Variants in ABCC1 observed in about 807,000 individuals in gnomAD.
The protein encoded by ABCC1 is ATP binding cassette subfamily C member 1 (ABCC1 blood group), also known as multidrug resistance-associated protein 1.
ABCC1 carries 83 observed loss-of-function variants against 172.9 expected under a neutral mutation model. The observed-to-expected ratio is 0.48, with a 90% CI of 0.40 to 0.58. ABCC1 has a LOEUF of 0.58. ABCC1 is among the 20% of genes least tolerant of loss of function. The pLI, the probability that ABCC1 is intolerant of heterozygous loss-of-function variation, is 0.00. For missense variants in ABCC1, 1,817 were observed against 2,002.7 expected (o/e 0.91, Z 1.77); for synonymous variants, 937 against 825.2 (o/e 1.14, Z -2.32).
intron 12 of ABCC1, among the ~76,000 whole-genome samples, chr16:16,058,029 A>G (rs373798472): frequency 6.6e-6 from 1 of 152,102 alleles, no homozygotes; most frequent in Non-Finnish European, 1.5e-5. Context: ...TTGCAAAAAC[A>G]GGTTGTTCCC....
intron 3 of ABCC1, among the ~76,000 whole-genome samples, chr16:16,011,569 A>G (rs1043356141): frequency 2.0e-5 from 3 of 150,614 alleles, no homozygotes; most frequent in Admixed American, 6.6e-5. Context: ...GCAGGCTTGA[A>G]CTCCTGGGCT....
intron 19 of ABCC1, chr16:16,098,934 C>T: frequency 1.5e-6 from 2 of 1,351,112 alleles, no homozygotes; most frequent in Non-Finnish European, 2.0e-6. Context: ...GTTGGCTTGG[C>T]TCATAGAATG....
chr16:16,089,600 C>T (rs1188857982), intron 18 of ABCC1, among the ~76,000 whole-genome samples: 1 of 150,864 alleles, frequency 6.6e-6, no homozygotes, highest in African/African-American at 2.4e-5. Context: ...CTGGGCGCAG[C>T]GGCTCACACC....
At chr16:16,136,184 C>T (rs528284778) in intron 28 of ABCC1, among the ~76,000 whole-genome samples, 1 of 152,018 alleles carries the variant, frequency 6.6e-6, no homozygotes, top group African/African-American at 2.4e-5. Flanking sequence ...CCACCATGCC[C>T]AGCTAATTTT....
At chr16:15,982,701 G>T (rs1329600045) in intron 1 of ABCC1, among the ~76,000 whole-genome samples, 1 of 147,264 alleles carries the variant, frequency 6.8e-6, no homozygotes, top group Admixed American at 6.8e-5. Context: ...AGCTACTCAT[G>T]AGGCTGAGAT....
At chr16:16,061,772 CTTTTTTTTTTTTTT>C (rs201926082) in intron 12 of ABCC1, among the ~76,000 whole-genome samples, 1 of 116,226 alleles carries the variant, frequency 8.6e-6, no homozygotes, top group Admixed American at 8.6e-5. Context: ...TTCTTTTTTT[CTTTTTTTTTTTTTT>C]TTTTTGAGAT....
At position 16,003,729 on chromosome 16, in the gene ABCC1, G is replaced by A. The variant is rs557572809; in HGVS notation, c.49-4087G>A. 2.8e-5 allele frequency among the ~76,000 whole-genome samples: 3 copies of A among 108,158 alleles called. No individual in the cohort carries two copies. In the East Asian group the frequency reaches 7.8e-4, roughly 28 times the overall value. 71.0% of individuals were successfully genotyped at this position (108,158 alleles called of 152,430 possible). On this transcript the variant is annotated intron_variant, in intron 1 of 30. Transcript: ENST00000399410. ...GTGGGTAGGGTGGATGGGTGAATTG[G>A]TGGATGGGTAGGTGGATGTATAAAT...
chr16:16,021,439 A>G (rs11861837), intron 5 of ABCC1, among the ~76,000 whole-genome samples: 1,769 of 152,206 alleles, frequency 0.012, 43 homozygotes, highest in African/African-American at 0.04. Flanking sequence ...GTTCAAGGCC[A>G]GGTGTGGTGG....
chr16:15,955,885 C>T (rs1190418683), intron 1 of ABCC1, among the ~76,000 whole-genome samples: 1 of 152,160 alleles, frequency 6.6e-6, no homozygotes, highest in Non-Finnish European at 1.5e-5. Flanking sequence ...AGAACTGTGC[C>T]TGGGGCTTAG....
chr16:16,009,462 C>T (rs1197268558), intron 2 of ABCC1, among the ~76,000 whole-genome samples: 1 of 151,778 alleles, frequency 6.6e-6, no homozygotes, highest in East Asian at 1.9e-4. Context: ...GCCGGAGTTG[C>T]AGCTAGAGAT....
At chr16:16,011,165 G>A (rs2047765412) in intron 3 of ABCC1, among the ~76,000 whole-genome samples, 1 of 152,118 alleles carries the variant, frequency 6.6e-6, no homozygotes, top group African/African-American at 2.4e-5. Flanking sequence ...CCCGGGAAGT[G>A]GAGGCTGCAG....
At chr16:16,023,066 A>T (rs2048248321) in intron 5 of ABCC1, among the ~76,000 whole-genome samples, 1 of 151,916 alleles carries the variant, frequency 6.6e-6, no homozygotes, top group African/African-American at 2.4e-5. Context: ...GGTGCACACT[A>T]CTGTGTTTGG....
chr16:15,971,600 ACTT>A (rs1472300851), intron 1 of ABCC1, among the ~76,000 whole-genome samples: 2 of 152,122 alleles, frequency 1.3e-5, no homozygotes, highest in African/African-American at 4.8e-5. Context: ...TTGGGCGACG[ACTT>A]CTTCTGGCTA....
intron 12 of ABCC1, among the ~76,000 whole-genome samples, chr16:16,065,148 T>C (rs935416477): frequency 3.9e-5 from 6 of 152,206 alleles, no homozygotes; most frequent in Non-Finnish European, 8.8e-5. Context: ...GAGTGACAGA[T>C]GACGCCAAAT....
At chr16:16,128,300 A>C (rs909884258) in intron 26 of ABCC1, among the ~76,000 whole-genome samples, 1 of 151,978 alleles carries the variant, frequency 6.6e-6, no homozygotes, top group Non-Finnish European at 1.5e-5. Flanking sequence ...CCTCCTGAGT[A>C]GCTGGGATTA....
chr16:16,098,896 G>A (rs2051600639), intron 19 of ABCC1: 1 of 1,352,008 alleles, frequency 7.4e-7, no homozygotes, highest in Non-Finnish European at 9.8e-7. Flanking sequence ...GGACGAGGAG[G>A]AAGCAGGTCA....
At chr16:16,091,636 A>G (rs1784656568) in intron 19 of ABCC1, among the ~76,000 whole-genome samples, 1 of 152,104 alleles carries the variant, frequency 6.6e-6, no homozygotes, top group Admixed American at 6.6e-5. Context: ...GACCAGCATG[A>G]GCTCAATTTG....
At chr16:16,090,211 T>C (rs1382797497) in intron 18 of ABCC1, among the ~76,000 whole-genome samples, 194 bp from the exon 19 acceptor site, 2 of 152,200 alleles carry the variant, frequency 1.3e-5, no homozygotes, top group Non-Finnish European at 2.9e-5. Flanking sequence ...CCTTTGCACA[T>C]GCATGTTACA....
chr16:16,107,605 T>C (rs2052188138), intron 21 of ABCC1, among the ~76,000 whole-genome samples: 1 of 152,180 alleles, frequency 6.6e-6, no homozygotes, highest in African/African-American at 2.4e-5. Context: ...TCATTTCTCA[T>C]TTGGTCCTAA....
Sources: gnomAD v4.1 joint callset for allele counts (sites outside exome capture counted in the v4.1 genomes callset) on GRCh38, gnomAD v4.1.1 for gene constraint, MANE v1.5 for transcripts, NCBI Gene and HGNC (gene_info 2026-07-23, HGNC 2026-07-21) for gene names.